Variants in RAD51B observed in about 807,000 individuals in gnomAD.
The protein encoded by RAD51B is DNA repair protein RAD51 homolog 2.
RAD51B carries 38 observed loss-of-function variants against 42.2 expected under a neutral mutation model. That is an observed-to-expected ratio of 0.90 (90% CI 0.70 to 1.18). The LOEUF (loss-of-function observed/expected upper bound fraction) is 1.18. Ranked by LOEUF, RAD51B falls within the 50% of genes most tolerant of loss-of-function variation. The probability of loss-of-function intolerance (pLI) is 0.00; values close to 1 mark genes in which losing one functional copy is unlikely to be tolerated. For synonymous variants in RAD51B, 154 were observed against 145.2 expected (o/e 1.06, Z -0.43); for missense variants, 373 against 400.7 (o/e 0.93, Z 0.59).
intron 7 of RAD51B, among the ~76,000 whole-genome samples, chr14:68,199,940 C>T (rs2079449502): frequency 6.6e-6 from 1 of 152,208 alleles, no homozygotes; most frequent in African/African-American, 2.4e-5. Flanking sequence ...CTCTTTTGTC[C>T]CCACAGTCGA....
intron 10 of RAD51B, among the ~76,000 whole-genome samples, chr14:68,643,364 T>C (rs1892502514): frequency 6.6e-6 from 1 of 152,342 alleles, no homozygotes; most frequent in South Asian, 2.1e-4. Flanking sequence ...GGTATGTCTT[T>C]ATCCATTCAT....
intron 7 of RAD51B, among the ~76,000 whole-genome samples, chr14:68,095,413 T>C (rs1364284553): frequency 6.6e-6 from 1 of 152,202 alleles, no homozygotes; most frequent in Admixed American, 6.5e-5. Context: ...GGGATCATGC[T>C]TAATTGTGTT....
At chr14:68,031,125 G>T (rs1455053334) in intron 7 of RAD51B, among the ~76,000 whole-genome samples, 1 of 152,208 alleles carries the variant, frequency 6.6e-6, no homozygotes. Flanking sequence ...AAAGAAAGAG[G>T]TTTATTGGAC....
chr14:68,099,906 A>G (rs1323462588), intron 7 of RAD51B, among the ~76,000 whole-genome samples: 6 of 152,194 alleles, frequency 3.9e-5, no homozygotes, highest in Non-Finnish European at 5.9e-5. Context: ...AACCGATTAA[A>G]TCTGGAAGGT....
chr14:68,052,863 G>T (rs1595330266), intron 7 of RAD51B, among the ~76,000 whole-genome samples: 2 of 151,640 alleles, frequency 1.3e-5, no homozygotes, highest in African/African-American at 4.8e-5. Context: ...AAACTCCTGA[G>T]CTCAAGCAAT....
intron 10 of RAD51B, among the ~76,000 whole-genome samples, chr14:68,648,789 T>A (rs1208223336): frequency 1.3e-5 from 2 of 151,960 alleles, no homozygotes; most frequent in Non-Finnish European, 2.9e-5. Flanking sequence ...AATTTCCTCA[T>A]TACTACAATG....
chr14:68,180,856 C>T (rs2079049628), intron 7 of RAD51B, among the ~76,000 whole-genome samples: 1 of 152,196 alleles, frequency 6.6e-6, no homozygotes. Context: ...ACCATACTGG[C>T]TGCTGTGGCA....
chr14:68,213,714 A>G (rs1276922526), intron 7 of RAD51B, among the ~76,000 whole-genome samples: 1 of 152,204 alleles, frequency 6.6e-6, no homozygotes, highest in Non-Finnish European at 1.5e-5. Flanking sequence ...GTCCATGTCC[A>G]GAGTACTAGG....
chr14:67,992,231 G>A (rs2075307586), intron 7 of RAD51B, among the ~76,000 whole-genome samples: 1 of 152,164 alleles, frequency 6.6e-6, no homozygotes, highest in African/African-American at 2.4e-5. Flanking sequence ...CCTATAAGGA[G>A]TCATAATAGC....
chr14:68,141,178 GA>G (rs1381408720), intron 7 of RAD51B, among the ~76,000 whole-genome samples: 1 of 152,122 alleles, frequency 6.6e-6, no homozygotes, highest in East Asian at 1.9e-4. Context: ...CTCTTCTCAT[GA>G]ACATTTTTTG....
At chr14:68,434,988 T>A (rs2085111298) in intron 9 of RAD51B, among the ~76,000 whole-genome samples, 1 of 152,226 alleles carries the variant, frequency 6.6e-6, no homozygotes, top group Admixed American at 6.5e-5. Flanking sequence ...ATGGGTGTGC[T>A]GATATCTCTT....
At chr14:68,000,263 G>C (rs1026764023) in intron 7 of RAD51B, 1 of 152,016 alleles carries the variant, frequency 6.6e-6, no homozygotes, top group East Asian at 1.9e-4. Context: ...GCTCATTCCC[G>C]AGTTTCCAAG....
At chr14:67,937,433 A>G (rs1010781859) in intron 7 of RAD51B, among the ~76,000 whole-genome samples, 1 of 152,340 alleles carries the variant, frequency 6.6e-6, no homozygotes, top group East Asian at 1.9e-4. Flanking sequence ...TCTAGCAGAG[A>G]TGACGATAAT....
At chr14:68,195,199 A>C (rs1382642650) in intron 7 of RAD51B, among the ~76,000 whole-genome samples, 3 of 152,206 alleles carry the variant, frequency 2.0e-5, no homozygotes, top group Non-Finnish European at 4.4e-5. Context: ...TAGATTTACT[A>C]TGCCATCTTT....
chr14:68,464,398 TA>T (rs1303595967), intron 9 of RAD51B, among the ~76,000 whole-genome samples: 1 of 152,230 alleles, frequency 6.6e-6, no homozygotes, highest in African/African-American at 2.4e-5. Context: ...TCATTGAACA[TA>T]ACATATTTTA....
chr14:67,929,213 A>G (rs949253212), intron 7 of RAD51B, among the ~76,000 whole-genome samples: 1 of 151,572 alleles, frequency 6.6e-6, no homozygotes, highest in Non-Finnish European at 1.5e-5. Context: ...TGTTTTTCTG[A>G]TTTAGGTGTT....
chr14:67,962,359 C>G lies in RAD51B; in HGVS notation c.756+75155C>G, dbSNP rs114183098. On this transcript the variant is annotated intron_variant, in intron 7 of 10. Transcript: ENST00000471583. ...TGCAGATCAAAAGATACATTGAATCCTGAAAATTGGTAGAGAAGGTTCAAC... is the reference window on the plus strand; with the variant it reads ...TGCAGATCAAAAGATACATTGAATCGTGAAAATTGGTAGAGAAGGTTCAAC... Among the ~76,000 whole-genome samples the G allele has an allele frequency of 6.9e-3, 1,057 of 152,246 alleles. 12 individuals are homozygous for G. Among genetic ancestry groups the G allele is most frequent in the African/African-American group, 0.024 (992 of 41,538 alleles).
chr14:67,931,213 G>A lies in RAD51B; in HGVS notation c.756+44009G>A, dbSNP rs189248987. On this transcript the variant is annotated intron_variant, in intron 7 of 10. Transcript: ENST00000471583. ...TGGGATTACAGGCGTGAGCCACCGC[G>A]TCCTGCCTGGCTGGGTTATTTCAAA... Among the ~76,000 whole-genome samples the A allele has an allele frequency of 5.5e-4, 84 of 152,194 alleles. 1 individual carries two copies. Among genetic ancestry groups the A allele is most frequent in the Admixed American group, 5.0e-3 (77 of 15,292 alleles).
intron 7 of RAD51B, among the ~76,000 whole-genome samples, chr14:68,248,746 G>A (rs1163541896): frequency 2.0e-5 from 3 of 152,198 alleles, no homozygotes; most frequent in Admixed American, 6.5e-5. Context: ...ATTCTAAAAC[G>A]TATGCTTCCA....
Sources: gnomAD v4.1 joint callset for allele counts (sites outside exome capture counted in the v4.1 genomes callset) on GRCh38, gnomAD v4.1.1 for gene constraint, MANE v1.5 for transcripts, NCBI Gene and HGNC (gene_info 2026-07-23, HGNC 2026-07-21) for gene names.